Variants in MAPK10 observed in about 807,000 individuals in gnomAD.
The protein encoded by MAPK10 is mitogen-activated protein kinase 10.
A neutral mutation model predicts 59.3 loss-of-function variants in MAPK10; 25 were observed. That is an observed-to-expected ratio of 0.42 (90% CI 0.31 to 0.59). The LOEUF is 0.59. Among genes scored for constraint, MAPK10 ranks in the 20% least tolerant of loss-of-function variants. The pLI, the probability that MAPK10 is intolerant of heterozygous loss-of-function variation, is 0.15. For missense variants in MAPK10, 351 were observed against 568.9 expected, an observed-to-expected ratio of 0.62 and a Z score of 3.90; for synonymous variants, 190 against 200.5, an observed-to-expected ratio of 0.95 and a Z score of 0.44.
chr4:86,187,651 G>A (rs961547857), intron 3 of MAPK10, among the ~76,000 whole-genome samples: 33 of 152,072 alleles, frequency 2.2e-4, no homozygotes, highest in African/African-American at 7.5e-4. Context: ...ATCTTTAAGT[G>A]TAAATATAAT....
chr4:86,588,276 T>C (rs1365740879), intron 1 of MAPK10, among the ~76,000 whole-genome samples: 1 of 152,214 alleles, frequency 6.6e-6, no homozygotes, highest in Non-Finnish European at 1.5e-5. Flanking sequence ...CCAATATTTA[T>C]TATGGCCAGC....
intron 1 of MAPK10, among the ~76,000 whole-genome samples, chr4:86,574,111 T>A (rs925648545): frequency 3.3e-5 from 5 of 151,984 alleles, no homozygotes; most frequent in African/African-American, 1.2e-4. Flanking sequence ...TGTGTCCATG[T>A]GTTCTCATTG....
chr4:86,101,428 T>C, intron 7 of MAPK10: 2 of 495,330 alleles, frequency 4.0e-6, no homozygotes, highest in Admixed American at 3.3e-5. Context: ...TGTATTATCA[T>C]TTTCACAATT....
At chr4:86,162,010 T>TAAGAGCTACC (rs2069879895) in intron 3 of MAPK10, among the ~76,000 whole-genome samples, 1 of 151,954 alleles carries the variant, frequency 6.6e-6, no homozygotes, top group Non-Finnish European at 1.5e-5. Context: ...AGGTTTACTC[T>TAAGAGCTACC]AAGAGCTACC....
intron 2 of MAPK10, among the ~76,000 whole-genome samples, chr4:86,214,305 T>C (rs2086728480): frequency 6.6e-6 from 1 of 151,944 alleles, no homozygotes; most frequent in Non-Finnish European, 1.5e-5. Context: ...GCAAAAGATA[T>C]TCCTCTAACA....
chr4:86,355,315 A>G (rs1733845921), intron 1 of MAPK10, among the ~76,000 whole-genome samples: 1 of 152,072 alleles, frequency 6.6e-6, no homozygotes, highest in Non-Finnish European at 1.5e-5. Context: ...TACCCCAAGT[A>G]AGAGTTTCTT....
At chr4:86,541,812 C>T (rs1326995199) in intron 1 of MAPK10, among the ~76,000 whole-genome samples, 3 of 152,154 alleles carry the variant, frequency 2.0e-5, no homozygotes, top group Middle Eastern at 6.8e-3. Context: ...GTTTTTTATT[C>T]TGTGGACTGC....
intron 9 of MAPK10, among the ~76,000 whole-genome samples, chr4:86,096,113 T>C (rs1485764422): frequency 6.6e-6 from 1 of 151,462 alleles, no homozygotes; most frequent in Non-Finnish European, 1.5e-5. Context: ...GATAAAGAAA[T>C]ATATATATTT....
At chr4:86,336,798 T>TC (rs1346635748) in intron 2 of MAPK10, among the ~76,000 whole-genome samples, 1 of 144,026 alleles carries the variant, frequency 6.9e-6, no homozygotes, top group African/African-American at 2.6e-5. Flanking sequence ...TTTTTTTTTT[T>TC]TTTTTTTTTT....
chr4:86,300,530 G>A (rs2095449354), intron 2 of MAPK10: 1 of 151,918 alleles, frequency 6.6e-6, no homozygotes, highest in Non-Finnish European at 1.5e-5. Flanking sequence ...AGTCACATTT[G>A]CTTTATAGAA....
intron 1 of MAPK10, among the ~76,000 whole-genome samples, chr4:86,532,599 T>A (rs1443200470): frequency 2.0e-5 from 3 of 152,222 alleles, no homozygotes; most frequent in Admixed American, 6.5e-5. Flanking sequence ...CTCATTTATA[T>A]ACCACCTTTT....
intron 2 of MAPK10, among the ~76,000 whole-genome samples, chr4:86,303,696 A>G (rs2095510356): frequency 6.6e-6 from 1 of 152,236 alleles, no homozygotes. Context: ...TGTACTAAAA[A>G]ATAATTTTCA....
chr4:86,162,202 G>A (rs1195859214), intron 3 of MAPK10, among the ~76,000 whole-genome samples: 1 of 151,644 alleles, frequency 6.6e-6, no homozygotes, highest in Non-Finnish European at 1.5e-5. Flanking sequence ...TTAAAAAAGT[G>A]CTGAAAGCAA....
chr4:86,108,113 G>A (rs1170852134), intron 4 of MAPK10, among the ~76,000 whole-genome samples: 1 of 150,698 alleles, frequency 6.6e-6, no homozygotes, highest in East Asian at 1.9e-4. Flanking sequence ...CAATCAGAGA[G>A]TTTTAGAAAC....
intron 1 of MAPK10, among the ~76,000 whole-genome samples, chr4:86,403,104 T>C (rs1743928208): frequency 6.6e-6 from 1 of 152,162 alleles, no homozygotes; most frequent in South Asian, 2.1e-4. Context: ...AATTTTGGTT[T>C]TCTGGTAATT....
chr4:86,579,688 C>T (rs561074513), intron 1 of MAPK10, among the ~76,000 whole-genome samples: 1 of 152,184 alleles, frequency 6.6e-6, no homozygotes, highest in East Asian at 1.9e-4. Context: ...AATTTAATTC[C>T]AGAGATTATA....
chr4:86,548,266 A>G (rs555765232), intron 1 of MAPK10, among the ~76,000 whole-genome samples: 2 of 151,894 alleles, frequency 1.3e-5, no homozygotes, highest in Admixed American at 6.6e-5. Flanking sequence ...CCGCAGTTTC[A>G]CTCCTGAGCC....
chr4:86,548,449 A>G (rs1273522344), intron 1 of MAPK10, among the ~76,000 whole-genome samples: 1 of 152,222 alleles, frequency 6.6e-6, no homozygotes, highest in African/African-American at 2.4e-5. Flanking sequence ...ACACAATAGT[A>G]GATAACTGCT....
intron 1 of MAPK10, among the ~76,000 whole-genome samples, chr4:86,502,543 T>C (rs569950438): frequency 6.6e-6 from 1 of 152,208 alleles, no homozygotes; most frequent in Non-Finnish European, 1.5e-5. Flanking sequence ...TACCTCAGCA[T>C]GCTCTGAGTT....
Sources: gnomAD v4.1 joint callset for allele counts (sites outside exome capture counted in the v4.1 genomes callset) on GRCh38, gnomAD v4.1.1 for gene constraint, MANE v1.5 for transcripts, NCBI Gene and HGNC (gene_info 2026-07-23, HGNC 2026-07-21) for gene names.